Variants in OCA2 observed in about 807,000 individuals in gnomAD.
The protein encoded by OCA2 is OCA2 melanosomal transmembrane protein, also known as P protein.
Under a neutral mutation model 100.2 loss-of-function variants are expected in OCA2, and 77 were observed. The observed-to-expected ratio is 0.77, with a 90% CI of 0.64 to 0.93. The LOEUF (loss-of-function observed/expected upper bound fraction) is 0.93, where lower values mean the gene tolerates loss of function less well. OCA2 is among the 40% of genes least tolerant of loss of function. The probability of loss-of-function intolerance (pLI) is 0.00; values close to 1 mark genes in which losing one functional copy is unlikely to be tolerated. For missense variants in OCA2, 1,062 were observed against 1,089.1 expected (o/e 0.98, Z 0.35); for synonymous variants, 432 against 439.2 (o/e 0.98, Z 0.21).
chr15:27,752,006 G>C (rs1313777880), downstream of OCA2, among the ~76,000 whole-genome samples: 2 of 152,166 alleles, frequency 1.3e-5, no homozygotes, highest in African/African-American at 2.4e-5. Flanking sequence ...TACAAGACTG[G>C]GCCCCAGCAG....
intron 23 of OCA2, among the ~76,000 whole-genome samples, chr15:27,775,063 CGTG>C (rs922329322): frequency 7.0e-6 from 1 of 142,938 alleles, no homozygotes; most frequent in Non-Finnish European, 1.5e-5. Flanking sequence ...TTTTAGAACT[CGTG>C]TGTGTGTGTG....
chr15:27,770,863 T>TTTGC (rs61710750), intron 23 of OCA2, among the ~76,000 whole-genome samples: 51 of 92,204 alleles, frequency 5.5e-4, no homozygotes, highest in African/African-American at 2.0e-3. Flanking sequence ...CCTTTCTTCC[T>TTTGC]TCCTTCCCTC....
chr15:27,837,526 C>A (rs1352787991), intron 23 of OCA2, among the ~76,000 whole-genome samples: 1 of 152,108 alleles, frequency 6.6e-6, no homozygotes, highest in Non-Finnish European at 1.5e-5. Flanking sequence ...TGCCCCACAC[C>A]CTTGCAAGGA....
intron 23 of OCA2, among the ~76,000 whole-genome samples, chr15:27,805,262 T>A (rs1480246470): frequency 6.6e-6 from 1 of 152,244 alleles, no homozygotes; most frequent in African/African-American, 2.4e-5. Flanking sequence ...AGCCGCCGTC[T>A]TTACATTTTC....
At chr15:27,905,639 A>G (rs1250612786) in intron 19 of OCA2, among the ~76,000 whole-genome samples, 1 of 152,228 alleles carries the variant, frequency 6.6e-6, no homozygotes, top group East Asian at 1.9e-4. Flanking sequence ...GTCAAGTGGA[A>G]AAGAAAAGGA....
rs373971579 is a variant in OCA2, at chr15:28,066,153, A to C, written c.227+15495T>G. Among the ~76,000 whole-genome samples, 13 of 152,354 alleles carry C rather than the reference A, an allele frequency of 8.5e-5. No homozygotes were observed. In the South Asian group the frequency reaches 1.4e-3, roughly 17 times the overall value. ...AAATGTAAATTGATGTTTTACAACA[A>C]CACCAAAAAATGAGTCACTTGGAGA... On this transcript the variant is annotated intron_variant, in intron 2 of 23. Transcript: ENST00000354638.
At chr15:27,913,813 AAAG>A (rs1467834413) in intron 19 of OCA2, among the ~76,000 whole-genome samples, 1 of 88,854 alleles carries the variant, frequency 1.1e-5, no homozygotes, top group Non-Finnish European at 2.2e-5. Context: ...CAAAAAAAAA[AAAG>A]AGAAAGAAAG....
intron 4 of OCA2, among the ~76,000 whole-genome samples, chr15:28,027,286 C>T (rs551290024): frequency 6.6e-6 from 1 of 152,322 alleles, no homozygotes; most frequent in Admixed American, 6.5e-5. Flanking sequence ...CCTCCCCACC[C>T]ATTGCTCCCG....
chr15:27,872,753 G>A (rs1287918022), intron 19 of OCA2, among the ~76,000 whole-genome samples: 8 of 150,550 alleles, frequency 5.3e-5, no homozygotes, highest in African/African-American at 9.8e-5. Flanking sequence ...GCAGTGGCAC[G>A]ATCTCGGTTC....
chr15:27,941,439 G>T (rs894244840), intron 18 of OCA2, among the ~76,000 whole-genome samples: 40 of 152,150 alleles, frequency 2.6e-4, no homozygotes, highest in Non-Finnish European at 5.4e-4. Context: ...GCAGACCTAT[G>T]TGATCCAAGC....
chr15:28,054,881 G>A (rs1481189365), intron 2 of OCA2, among the ~76,000 whole-genome samples: 2 of 152,178 alleles, frequency 1.3e-5, no homozygotes, highest in Non-Finnish European at 2.9e-5. Context: ...CCTTCTTCAC[G>A]TGGTGGGAGG....
At chr15:27,757,657 C>G (rs1326008303) in intron 23 of OCA2, among the ~76,000 whole-genome samples, 1 of 152,226 alleles carries the variant, frequency 6.6e-6, no homozygotes, top group Non-Finnish European at 1.5e-5. Flanking sequence ...AACTCAATTT[C>G]TTTATATATA....
intron 8 of OCA2, 85 bp from the exon 9 acceptor site, chr15:28,015,014 G>T: frequency 7.1e-7 from 1 of 1,411,222 alleles, no homozygotes; most frequent in Non-Finnish European, 9.9e-7. Context: ...ATTAACCAGA[G>T]TGCAAATGGA....
chr15:27,840,732 C>T (rs1219979835), intron 23 of OCA2, among the ~76,000 whole-genome samples: 3 of 152,140 alleles, frequency 2.0e-5, no homozygotes, highest in African/African-American at 4.8e-5. Context: ...GAAAATAAAA[C>T]CTTGATCTAA....
intron 4 of OCA2, among the ~76,000 whole-genome samples, chr15:28,027,207 CG>C (rs2042778108): frequency 6.6e-6 from 1 of 152,228 alleles, no homozygotes; most frequent in Admixed American, 6.5e-5. Flanking sequence ...CACGCATGCG[CG>C]CCCTAGGCCT....
rs1245528580 is a variant in OCA2 at position 27,972,820 on chromosome 15, GTTAT to G, written c.1504-6002_1504-5999del. ...TGTAGGTTTTCTGTTTACTTTGATG[GTTAT>G]TTTATTTTATTTTATTTTATTTTAT... On this transcript the variant is annotated intron_variant, in intron 14 of 23. Transcript: ENST00000354638. Among the ~76,000 whole-genome samples the G allele has an allele frequency of 1.0e-3, 75 of 74,458 alleles. 2 individuals are homozygous for G. The highest frequency in any genetic ancestry group is 2.3e-3 in the African/African-American group (71 of 31,348). The allele number at this position is 74,458 out of a possible 152,430, so 48.8% of individuals were successfully genotyped here.
intron 19 of OCA2, among the ~76,000 whole-genome samples, chr15:27,891,922 T>C (rs2151599590): frequency 6.6e-6 from 1 of 152,148 alleles, no homozygotes; most frequent in African/African-American, 2.4e-5. Flanking sequence ...AGAGACTATA[T>C]TAATACCAGC....
At chr15:27,860,132 A>G (rs551005108) in intron 21 of OCA2, among the ~76,000 whole-genome samples, 5 of 152,258 alleles carry the variant, frequency 3.3e-5, no homozygotes, top group African/African-American at 7.2e-5. Context: ...TGTTATGGGG[A>G]AAAAAATAAA....
intron 23 of OCA2, among the ~76,000 whole-genome samples, chr15:27,827,902 T>C (rs1190719379): frequency 6.6e-6 from 1 of 152,176 alleles, no homozygotes; most frequent in Non-Finnish European, 1.5e-5. Flanking sequence ...TCTTTATATA[T>C]AGAAACGAAG....
Sources: allele counts gnomAD v4.1 joint callset (sites outside exome capture counted in the v4.1 genomes callset), GRCh38; gene constraint gnomAD v4.1.1; transcripts MANE v1.5; gene names NCBI Gene and HGNC (gene_info 2026-07-23, HGNC 2026-07-21).